Variants in PCDH15 observed in about 807,000 individuals in gnomAD.
PCDH15 encodes the protein protocadherin related 15.
Under a neutral mutation model 178.5 loss-of-function variants are expected in PCDH15, and 129 were observed. The ratio of observed to expected loss-of-function variants is 0.72; its 90% CI spans 0.63 to 0.84. The LOEUF (loss-of-function observed/expected upper bound fraction) is 0.84. Among genes scored for constraint, PCDH15 ranks in the 40% least tolerant of loss-of-function variants. PCDH15 has a pLI of 0.00. For synonymous variants in PCDH15, 800 were observed against 732.0 expected, an observed-to-expected ratio of 1.09 and a Z score of -1.50; for missense variants, 2,230 against 2,099.9, an observed-to-expected ratio of 1.06 and a Z score of -1.21.
chr10:53,968,846 C>T (rs1032522459), intron 21 of PCDH15, among the ~76,000 whole-genome samples: 1 of 152,272 alleles, frequency 6.6e-6, no homozygotes, highest in African/African-American at 2.4e-5. Context: ...AAAACCCCAT[C>T]TGTACATCAC....
At chr10:55,066,462 C>A (rs187216032) in intron 2 of PCDH15, among the ~76,000 whole-genome samples, 8 of 150,396 alleles carry the variant, frequency 5.3e-5, no homozygotes, top group Non-Finnish European at 1.0e-4. Flanking sequence ...CTCTGTATCA[C>A]ATTTTATAAA....
intron 1 of PCDH15, among the ~76,000 whole-genome samples, chr10:55,278,669 G>A (rs967331847): frequency 6.6e-6 from 1 of 152,136 alleles, no homozygotes; most frequent in African/African-American, 2.4e-5. Context: ...GAATCAGTAA[G>A]AATTTATAAT....
intron 2 of PCDH15, among the ~76,000 whole-genome samples, chr10:55,073,807 C>G (rs1841810937): frequency 6.6e-6 from 1 of 151,872 alleles, no homozygotes; most frequent in African/African-American, 2.4e-5. Context: ...ATTTTTATTA[C>G]TGATTTATTC....
intron 15 of PCDH15, among the ~76,000 whole-genome samples, chr10:54,100,707 G>A (rs2094794007): frequency 6.6e-6 from 1 of 152,164 alleles, no homozygotes; most frequent in African/African-American, 2.4e-5. Flanking sequence ...GTTTCTTAAA[G>A]AGACTACAAC....
chr10:53,856,199 T>C (rs1024915421), intron 28 of PCDH15, among the ~76,000 whole-genome samples: 1 of 149,614 alleles, frequency 6.7e-6, no homozygotes, highest in Non-Finnish European at 1.5e-5. Context: ...TGCACCAAAA[T>C]CTCAGAATTC....
chr10:55,076,005 C>T (rs1459391028), intron 2 of PCDH15, among the ~76,000 whole-genome samples: 1 of 152,100 alleles, frequency 6.6e-6, no homozygotes, highest in Non-Finnish European at 1.5e-5. Context: ...AGTGGTCACT[C>T]AGGAGCATGT....
Position 53,822,373 on chromosome 10 carries a change from A to G in PCDH15, c.4368-2143T>C, listed in dbSNP as rs144261647. The G allele has an allele frequency of 3.0e-4, 466 of 1,574,760 alleles. 5 individuals are homozygous for G. In the African/African-American group the frequency reaches 4.3e-3, roughly 14 times the overall value. Reference sequence around the variant, plus strand: ...GGAGGAGGAAGAGGAAGAGGGATAGAAGGAGGAGAGGGAGGAGGACAAAAA... The same window carrying G: ...GGAGGAGGAAGAGGAAGAGGGATAGGAGGAGGAGAGGGAGGAGGACAAAAA... On this transcript the variant is annotated intron_variant, in intron 32 of 37. Transcript: ENST00000644397.
At chr10:53,839,263 AAAATTTTAGC>A (rs1215312477) in intron 29 of PCDH15, among the ~76,000 whole-genome samples, 1 of 151,522 alleles carries the variant, frequency 6.6e-6, no homozygotes, top group Non-Finnish European at 1.5e-5. Context: ...TGGCTTTTAA[AAAATTTTAGC>A]TGATATTAAA....
chr10:54,858,294 C>T (rs1193291399), intron 3 of PCDH15, among the ~76,000 whole-genome samples: 1 of 152,128 alleles, frequency 6.6e-6, no homozygotes, highest in Non-Finnish European at 1.5e-5. Flanking sequence ...ACTACGATAT[C>T]TTTGTTGATT....
chr10:54,655,428 GGTGTGTGT>G (rs371162241), intron 2 of PCDH15: 10,493 of 141,902 alleles, frequency 0.074, 477 homozygotes, highest in Admixed American at 0.096. Flanking sequence ...TGTGTGGTGG[GGTGTGTGT>G]GTGTGTGTGT....
intron 1 of PCDH15, among the ~76,000 whole-genome samples, chr10:55,245,075 GTGGTTTTGCA>G (rs778125967): frequency 2.6e-4 from 39 of 152,140 alleles, no homozygotes; most frequent in Non-Finnish European, 4.4e-4. Flanking sequence ...GAAAATCAAA[GTGGTTTTGCA>G]TGAGTTTAAA....
intron 1 of PCDH15, among the ~76,000 whole-genome samples, chr10:54,734,028 C>A (rs1447388856): frequency 3.3e-5 from 5 of 150,772 alleles, no homozygotes; most frequent in African/African-American, 1.2e-4. Flanking sequence ...TAAGTTTAAG[C>A]AGCCATTTTA....
intron 2 of PCDH15, among the ~76,000 whole-genome samples, chr10:55,600,373 A>C (rs975722359): frequency 5.3e-5 from 8 of 151,914 alleles, no homozygotes; most frequent in Admixed American, 1.3e-4. Context: ...TAAAAAAAAA[A>C]AAAATTGGTT....
At chr10:54,133,666 G>GA (rs1291324520) in intron 14 of PCDH15, among the ~76,000 whole-genome samples, 1 of 151,730 alleles carries the variant, frequency 6.6e-6, no homozygotes, top group Non-Finnish European at 1.5e-5. Context: ...TCATTACAAG[G>GA]AAAAAAAATT....
At chr10:54,655,065 G>A (rs2094346725) in intron 2 of PCDH15, 1 of 152,286 alleles carries the variant, frequency 6.6e-6, no homozygotes, top group Non-Finnish European at 1.5e-5. Context: ...CAAAAAATTA[G>A]CCGGGCGCGG....
rs372753995 is a variant in PCDH15, at chr10:54,435,447, A to G, written c.158-56505T>C. On this transcript the variant is annotated intron_variant, in intron 3 of 37. Transcript: ENST00000644397. ...CTCAATATTGTGATTAACCATGAGCATGATGTATTTTGCCTGGACTATATT... is the reference window on the plus strand; with the variant it reads ...CTCAATATTGTGATTAACCATGAGCGTGATGTATTTTGCCTGGACTATATT... Among the ~76,000 whole-genome samples the G allele has an allele frequency of 3.7e-4, 57 of 152,318 alleles. 1 individual carries two copies. The highest frequency in any genetic ancestry group is 1.2e-3 in the African/African-American group (49 of 41,566).
Position 55,395,853 on chromosome 10 carries a change from AC to A in PCDH15, c.-155-229203del, listed in dbSNP as rs768799525. Among the ~76,000 whole-genome samples, 68 of 152,098 alleles carry A rather than the reference AC, an allele frequency of 4.5e-4. 1 individual carries two copies. The highest frequency in any genetic ancestry group is 1.2e-3 in the African/African-American group (48 of 41,542). ...ACTATCCTCCTATATCACAAAAAAAACCAAACATAAAATATAAAACAAACTT... is the reference window on the plus strand; with the variant it reads ...ACTATCCTCCTATATCACAAAAAAAACAAACATAAAATATAAAACAAACTT... On this transcript the variant is annotated intron_variant, in intron 2 of 5. Transcript: ENST00000613346.
chr10:54,825,234 T>C (rs879321847), intron 3 of PCDH15, among the ~76,000 whole-genome samples: 120 of 151,952 alleles, frequency 7.9e-4, no homozygotes, highest in Non-Finnish European at 1.4e-3. Flanking sequence ...TAGTATTCCA[T>C]GGTGTATATG....
chr10:54,052,523 T>C (rs1167804464), intron 18 of PCDH15, among the ~76,000 whole-genome samples: 2 of 152,232 alleles, frequency 1.3e-5, no homozygotes, highest in East Asian at 1.9e-4. Flanking sequence ...TCATTTAGAA[T>C]GCATGTGTTT....
Sources: allele counts gnomAD v4.1 joint callset (sites outside exome capture counted in the v4.1 genomes callset), GRCh38; gene constraint gnomAD v4.1.1; transcripts MANE v1.5; gene names NCBI Gene and HGNC (gene_info 2026-07-23, HGNC 2026-07-21).